The following SYNJ1 variants were observed in gnomAD, a reference collection of about 807,000 sequenced individuals.
SYNJ1 encodes the protein synaptojanin 1.
In SYNJ1, 78 loss-of-function variants were observed where a neutral mutation model predicts 168.2. The observed-to-expected ratio is 0.46, with a 90% confidence interval of 0.39 to 0.56. SYNJ1 has a LOEUF of 0.56. Ranked by LOEUF, SYNJ1 falls within the 20% of genes least tolerant of loss-of-function variation. The probability of loss-of-function intolerance (pLI) is 0.00; values close to 1 mark genes in which losing one functional copy is unlikely to be tolerated. For missense variants in SYNJ1, 1,303 were observed against 1,597.6 expected, an observed-to-expected ratio of 0.82 and a Z score of 3.14; for synonymous variants, 539 against 548.6, an observed-to-expected ratio of 0.98 and a Z score of 0.24.
At chr21:32,694,115 T>C in intron 6 of SYNJ1, 113 bp downstream of exon 6, 1 of 675,624 alleles carries the variant, frequency 1.5e-6, no homozygotes, top group Admixed American at 4.2e-5. Flanking sequence ...CCAGCTAACA[T>C]TATTAGATGG....
At chr21:32,688,436 A>G in intron 6 of SYNJ1, 69 bp from the exon 7 acceptor site, 1 of 1,214,256 alleles carries the variant, frequency 8.2e-7, no homozygotes, top group Non-Finnish European at 1.2e-6. Context: ...ATCACTGCTT[A>G]CAATATCTAA....
In SYNJ1 at chr21:32,676,252, C is replaced by T. The variant is rs1323650055; in HGVS notation, c.1534+80G>A. ...AATGAGAAAGTTTCCAATTATATGGCTTTATTTGTTTACAATATCGACTTC... is the reference window on the plus strand; with the variant it reads ...AATGAGAAAGTTTCCAATTATATGGTTTTATTTGTTTACAATATCGACTTC... On this transcript the variant is annotated intron_variant, in intron 13 of 32. Coordinates refer to ENST00000674351, the MANE Select transcript of SYNJ1 (RefSeq NM_203446.3). 28 of 1,150,592 alleles carry T rather than the reference C, an allele frequency of 2.4e-5. No homozygotes were observed. The South Asian group carries it at 2.5e-4, about 10-fold the overall frequency. The allele number at this position is 1,150,592 out of a possible 1,614,324, so 71.3% of individuals were successfully genotyped here.
At chr21:32,687,209 A>G in intron 7 of SYNJ1, 135 bp from the exon 8 acceptor site, 1 of 508,996 alleles carries the variant, frequency 2.0e-6, no homozygotes, top group East Asian at 3.7e-5. Context: ...GTGCGAATTC[A>G]TTGTACATGG....
At chr21:32,665,250 G>A (rs2040879780) in intron 17 of SYNJ1, among the ~76,000 whole-genome samples, 179 bp from the exon 18 acceptor site, 2 of 152,140 alleles carry the variant, frequency 1.3e-5, no homozygotes, top group Admixed American at 6.5e-5. Flanking sequence ...TAAGCCCAGA[G>A]AAAAATCAAG....
chr21:32,657,059 C>T lies in SYNJ1; in HGVS notation c.2523G>A (p.Trp841Ter). 6.2e-7 allele frequency: 1 copy of T among 1,614,150 alleles called. No individual in the cohort carries two copies. Among genetic ancestry groups the T allele is most frequent in the Non-Finnish European group, 8.5e-7 (1 of 1,180,040 alleles). ...CATAGTGCAGCAAAGTGCCTGGAGT[C>T]CACGTGTACAGAATTTTGCTTTCAT... The part of the protein sequence containing the change: ...FQDESKILYT[W>*]TPGTLLHYGR... The change falls in exon 20 of 33, where the codon TGG becomes TGA. Residue 841 changes from tryptophan to a stop codon, truncating the protein, a stop_gained. Transcript: ENST00000674351. LOFTEE classifies it high-confidence loss of function.
chr21:32,696,730 G>A (rs939948507), intron 4 of SYNJ1, among the ~76,000 whole-genome samples: 2 of 152,022 alleles, frequency 1.3e-5, no homozygotes, highest in Non-Finnish European at 1.5e-5. Context: ...CCAACTCCCT[G>A]CCAGCCCCTC....
chr21:32,707,065 C>T (rs1902867964), intron 2 of SYNJ1, among the ~76,000 whole-genome samples: 1 of 151,986 alleles, frequency 6.6e-6, no homozygotes, highest in Non-Finnish European at 1.5e-5. Flanking sequence ...ATTCTCTTCC[C>T]TTTCTCCCTT....
chr21:32,666,351 A>T, intron 16 of SYNJ1, 82 bp downstream of exon 16: 1 of 1,538,032 alleles, frequency 6.5e-7, no homozygotes, highest in Non-Finnish European at 8.7e-7. Context: ...TGTTTGAAGA[A>T]CTGAAACAAT....
At chr21:32,720,167 A>G (rs1044647223) in intron 2 of SYNJ1, among the ~76,000 whole-genome samples, 3 of 152,114 alleles carry the variant, frequency 2.0e-5, no homozygotes, top group Non-Finnish European at 4.4e-5. Flanking sequence ...TGAACCCGGG[A>G]GGCAGAGGTT....
Position 32,653,369 on chromosome 21 carries a change from T to G in SYNJ1, c.2796-3A>C. 2 of 1,608,756 alleles carry G rather than the reference T, an allele frequency of 1.2e-6. No individual in the cohort carries two copies. Among genetic ancestry groups the G allele is most frequent in the Middle Eastern group, 1.7e-4 (1 of 6,054 alleles). Reference sequence around the variant, plus strand: ...CCCACATTTTATCTTCTACAAATCTTTAAGAAAAACAATAAAAAACCATAA... The same window carrying G: ...CCCACATTTTATCTTCTACAAATCTGTAAGAAAAACAATAAAAAACCATAA... On this transcript the variant is annotated splice_region_variant and splice_polypyrimidine_tract_variant and intron_variant, in intron 21 of 32. Coordinates refer to ENST00000674351, the MANE Select transcript of SYNJ1 (RefSeq NM_203446.3).
At chr21:32,660,556 A>G (rs2040652131) in intron 18 of SYNJ1, among the ~76,000 whole-genome samples, 1 of 152,238 alleles carries the variant, frequency 6.6e-6, no homozygotes, top group Non-Finnish European at 1.5e-5. Context: ...GGAGTTATAC[A>G]TGGACGGGAG....
intron 2 of SYNJ1, among the ~76,000 whole-genome samples, chr21:32,716,757 T>A (rs1461613390): frequency 6.6e-6 from 1 of 152,214 alleles, no homozygotes; most frequent in East Asian, 1.9e-4. Context: ...CTTTCTGGGA[T>A]CCACATATTC....
intron 2 of SYNJ1, among the ~76,000 whole-genome samples, chr21:32,711,624 C>A (rs2042833572): frequency 6.6e-6 from 1 of 152,164 alleles, no homozygotes; most frequent in African/African-American, 2.4e-5. Context: ...GCCACCGCGC[C>A]CAGCAATGAC....
At chr21:32,640,890 C>G (rs1451390376) in intron 29 of SYNJ1, among the ~76,000 whole-genome samples, 1 of 152,156 alleles carries the variant, frequency 6.6e-6, no homozygotes, top group Non-Finnish European at 1.5e-5. Context: ...AAAATATGAA[C>G]TTTTAAACTC....
At position 32,653,363 on chromosome 21, in the gene SYNJ1, A is replaced by C; in HGVS notation, c.2799T>G (p.Phe933Leu). 6.2e-7 allele frequency: 1 copy of C among 1,611,162 alleles called. No individual in the cohort carries two copies. Among genetic ancestry groups the C allele is most frequent in the Non-Finnish European group, 8.5e-7 (1 of 1,177,430 alleles). ...ATGTAACCCACATTTTATCTTCTAC[A>C]AATCTTTAAGAAAAACAATAAAAAA... is the stretch of plus-strand genomic sequence containing the variant. Reference protein sequence around the residue: ...ASFGEVILIRFVEDKMWVTFL... With the variant: ...ASFGEVILIRLVEDKMWVTFL... The change falls in exon 22 of 33, where the codon TTT (phenylalanine) becomes TTG (leucine). Residue 933 changes from phenylalanine (F) to leucine (L), a missense_variant. This residue lies in a region of SYNJ1 where 920 missense variants were observed against 1,208.8 expected (regional missense o/e 0.76). Coordinates refer to ENST00000674351, the MANE Select transcript of SYNJ1 (RefSeq NM_203446.3).
At chr21:32,651,479 T>C (rs183344000) in intron 22 of SYNJ1, among the ~76,000 whole-genome samples, 12 of 152,354 alleles carry the variant, frequency 7.9e-5, no homozygotes, top group African/African-American at 2.9e-4. Flanking sequence ...TAAGAATTCA[T>C]AATCCTTTAC....
chr21:32,658,256 C>G (rs1832409244), intron 18 of SYNJ1, among the ~76,000 whole-genome samples: 1 of 152,134 alleles, frequency 6.6e-6, no homozygotes, highest in Non-Finnish European at 1.5e-5. Flanking sequence ...CCATAAAAAC[C>G]CCAGGCTCAG....
In SYNJ1 at chr21:32,670,237, T is replaced by C. The variant is rs114386610; in HGVS notation, c.1811+51A>G. 2.7e-3 allele frequency: 3,864 copies of C among 1,433,664 alleles called. 59 individuals are homozygous for C. In the African/African-American group the frequency reaches 0.039, roughly 14 times the overall value. The allele number at this position is 1,433,664 out of a possible 1,614,324, so 88.8% of individuals were successfully genotyped here. On this transcript the variant is annotated intron_variant, in intron 15 of 32. Transcript: ENST00000674351. ...CAATTACTTAATTATCTGTCCTCCA[T>C]AGTTTCCCTCAACTGGCAAATTTTT...
In SYNJ1 at chr21:32,706,169, T is replaced by C. The variant is rs181637093; in HGVS notation, c.125-4122A>G. ...AGTGAGGGAGAATCTACAAAGTAAC[T>C]GGTTTTCACTTTCAACATTTTTAAG... is the stretch of plus-strand genomic sequence containing the variant. On this transcript the variant is annotated intron_variant, in intron 2 of 32. Transcript: ENST00000674351. 9.2e-5 allele frequency among the ~76,000 whole-genome samples: 14 copies of C among 152,316 alleles called. No homozygotes were observed. In the South Asian group the frequency reaches 2.1e-3, roughly 23 times the overall value.
Sources: gnomAD v4.1 joint callset for allele counts (sites outside exome capture counted in the v4.1 genomes callset) on GRCh38, gnomAD v4.1.1 for gene constraint, gnomAD v4.1.1 regional missense constraint, MANE v1.5 for transcripts, NCBI Gene and HGNC (gene_info 2026-07-23, HGNC 2026-07-21) for gene names.